SPRED2: variants seen among roughly 807,000 people sequenced by gnomAD.
SPRED2 encodes sprouty-related, EVH1 domain-containing protein 2.
Under a neutral mutation model 43.0 loss-of-function variants are expected in SPRED2, and 47 were observed. That is an observed-to-expected ratio of 1.09 (90% CI 0.87 to 1.40). The LOEUF is 1.40. Ranked by LOEUF, SPRED2 falls within the 40% of genes most tolerant of loss-of-function variation. The pLI, the probability that SPRED2 is intolerant of heterozygous loss-of-function variation, is 0.00. For synonymous variants in SPRED2, 225 were observed against 225.7 expected (o/e 1.00, Z 0.03); for missense variants, 561 against 586.4 (o/e 0.96, Z 0.45).
chr2:65,339,015 TGGCCG>T (rs1674084231), intron 2 of SPRED2, among the ~76,000 whole-genome samples: 2 of 141,936 alleles, frequency 1.4e-5, no homozygotes, highest in African/African-American at 2.6e-5. Context: ...GGAGCCCCTC[TGGCCG>T]GCCAGCCGCC....
chr2:65,410,042 A>AT (rs1186673889), intron 1 of SPRED2, among the ~76,000 whole-genome samples: 1 of 151,790 alleles, frequency 6.6e-6, no homozygotes, highest in East Asian at 1.9e-4. Flanking sequence ...AAAAAAAAAA[A>AT]AAAAGAATAA....
intron 1 of SPRED2, among the ~76,000 whole-genome samples, chr2:65,415,783 T>C (rs1249676538): frequency 1.3e-5 from 2 of 152,206 alleles, no homozygotes; most frequent in African/African-American, 4.8e-5. Context: ...TAGAATTTAT[T>C]TTTTATTGGC....
At chr2:65,322,256 CTCTCTCTCTCTCTCTA>C (rs1182557779) in intron 4 of SPRED2, among the ~76,000 whole-genome samples, 29 of 76,846 alleles carry the variant, frequency 3.8e-4, no homozygotes, top group Non-Finnish European at 5.8e-4. Flanking sequence ...CTCTCTCTCT[CTCTCTCTCTCTCTCTA>C]TATATATATA....
intron 1 of SPRED2, among the ~76,000 whole-genome samples, chr2:65,364,127 A>T (rs1674901416): frequency 6.6e-6 from 1 of 152,218 alleles, no homozygotes; most frequent in Non-Finnish European, 1.5e-5. Context: ...TTAGGTTTTG[A>T]AGAACCAAAA....
intron 4 of SPRED2, among the ~76,000 whole-genome samples, chr2:65,320,350 G>T (rs114323500): frequency 6.6e-6 from 1 of 152,190 alleles, no homozygotes; most frequent in Admixed American, 6.5e-5. Context: ...GGTTAACAAT[G>T]TGTAGAAAGT....
intron 1 of SPRED2, among the ~76,000 whole-genome samples, chr2:65,431,731 G>C (rs1400690005): frequency 6.6e-6 from 1 of 152,018 alleles, no homozygotes; most frequent in Non-Finnish European, 1.5e-5. Flanking sequence ...TTGGCCCCCG[G>C]AGCTGCCACC....
At chr2:65,421,233 TGGGGAG>T in intron 1 of SPRED2, among the ~76,000 whole-genome samples, 1 of 152,282 alleles carries the variant, frequency 6.6e-6, no homozygotes, top group East Asian at 1.9e-4. Flanking sequence ...CTGCTAAGAA[TGGGGAG>T]GGACAGGCAC....
Position 65,311,828 on chromosome 2 carries a change from T to A in SPRED2, c.*1673A>T. The stretch of plus-strand genomic sequence containing the variant: ...TGTGGACGAGCTGGAAACAGCCCCA[T>A]GAAGGTGAGCACAGCTAGCACTTTC... On this transcript the variant is annotated 3_prime_UTR_variant, in exon 6 of 6. Coordinates refer to ENST00000356388, the MANE Select transcript of SPRED2 (RefSeq NM_181784.3). The A allele has an allele frequency of 1.0e-6, 1 of 985,456 alleles. No individual in the cohort carries two copies. The allele number at this position is 985,456 out of a possible 1,614,324, so 61.0% of individuals were successfully genotyped here. A position where few individuals can be genotyped will look rare whatever the true frequency, so the allele number is the denominator to read the frequency against.
chr2:65,366,593 C>A, intron 1 of SPRED2: 1 of 1,553,536 alleles, frequency 6.4e-7, no homozygotes, highest in South Asian at 1.2e-5. Context: ...CACGTACCTG[C>A]CAGGCGATGC....
At chr2:65,367,675 TCTC>T (rs929850345) in intron 1 of SPRED2, among the ~76,000 whole-genome samples, 3 of 152,086 alleles carry the variant, frequency 2.0e-5, no homozygotes, top group African/African-American at 7.2e-5. Context: ...CCTAGTGCCT[TCTC>T]CTCCCAGGGC....
intron 2 of SPRED2, among the ~76,000 whole-genome samples, chr2:65,341,384 A>G (rs1674179736): frequency 6.6e-6 from 1 of 152,074 alleles, no homozygotes; most frequent in African/African-American, 2.4e-5. Flanking sequence ...GGGATGAGGC[A>G]CACTTTTAGG....
intron 4 of SPRED2, among the ~76,000 whole-genome samples, chr2:65,318,200 T>A (rs1201786774): frequency 6.6e-6 from 1 of 152,182 alleles, no homozygotes; most frequent in Non-Finnish European, 1.5e-5. Flanking sequence ...TGTGACTTGC[T>A]CCTTCTTGCC....
chr2:65,368,669 AG>A (rs1454147673), intron 1 of SPRED2, among the ~76,000 whole-genome samples: 2 of 152,248 alleles, frequency 1.3e-5, no homozygotes, highest in Non-Finnish European at 2.9e-5. Flanking sequence ...AAATGAGAAT[AG>A]GGGAGTCCTT....
chr2:65,335,732 C>CCT (rs57219693), intron 2 of SPRED2, among the ~76,000 whole-genome samples: 86,835 of 151,828 alleles, frequency 0.57, 24,894 homozygotes, highest in East Asian at 0.79. Flanking sequence ...AAAATAACCC[C>CCT]GTCTAGCACA....
intron 1 of SPRED2, among the ~76,000 whole-genome samples, chr2:65,412,213 G>T (rs1286146078): frequency 6.6e-6 from 1 of 152,142 alleles, no homozygotes; most frequent in African/African-American, 2.4e-5. Flanking sequence ...ATCTCAAACT[G>T]TGGATGTAGG....
At chr2:65,309,739 G>C (rs566351490), downstream of SPRED2, among the ~76,000 whole-genome samples, 15 of 152,282 alleles carry the variant, frequency 9.9e-5, no homozygotes, top group African/African-American at 3.6e-4. Context: ...GACGTTGGTG[G>C]TATGCCCAGT....
chr2:65,367,061 C>T (rs58522699), intron 1 of SPRED2, among the ~76,000 whole-genome samples: 8,249 of 152,178 alleles, frequency 0.054, 317 homozygotes, highest in Middle Eastern at 0.14. Context: ...CAAAGAATTT[C>T]GTCCAAAGTT....
intron 1 of SPRED2, among the ~76,000 whole-genome samples, chr2:65,425,279 A>G (rs1224318432): frequency 6.6e-6 from 1 of 152,242 alleles, no homozygotes; most frequent in Non-Finnish European, 1.5e-5. Flanking sequence ...CATACATTTT[A>G]GAAGCTCCCA....
chr2:65,334,108 CACTT>C (rs1450288581), intron 3 of SPRED2: 2 of 449,624 alleles, frequency 4.4e-6, no homozygotes, highest in Admixed American at 2.6e-5. Context: ...GCCTACTACT[CACTT>C]ACCCATAGAC....
Sources: gnomAD v4.1 joint callset for allele counts (sites outside exome capture counted in the v4.1 genomes callset) on GRCh38, gnomAD v4.1.1 for gene constraint, MANE v1.5 for transcripts, NCBI Gene and HGNC (gene_info 2026-07-23, HGNC 2026-07-21) for gene names.